The following SLC24A2 variants were observed in gnomAD, a reference collection of about 807,000 sequenced individuals.
The protein encoded by SLC24A2 is solute carrier family 24 member 2.
SLC24A2 carries 36 observed loss-of-function variants against 62.0 expected under a neutral mutation model. That is an observed-to-expected ratio of 0.58 (90% CI 0.44 to 0.77). SLC24A2 has a LOEUF of 0.77. SLC24A2 is among the 30% of genes least tolerant of loss of function. The pLI, the probability that SLC24A2 is intolerant of heterozygous loss-of-function variation, is 0.00. For synonymous variants in SLC24A2, 358 were observed against 294.0 expected (o/e 1.22, Z -2.23); for missense variants, 846 against 817.9 (o/e 1.03, Z -0.42).
chr9:19,833,200 A>G, the SLC24A2 span, among the ~76,000 whole-genome samples: 4 of 152,188 alleles, frequency 2.6e-5, no homozygotes. Flanking sequence ...TACCGGGTTC[A>G]TCTCACTGGG....
chr9:20,240,196 G>C, the SLC24A2 span, among the ~76,000 whole-genome samples: 1 of 152,098 alleles, frequency 6.6e-6, no homozygotes, highest in East Asian at 1.9e-4. Context: ...GAGCAGAGCA[G>C]CCACCCTACC....
the SLC24A2 span, among the ~76,000 whole-genome samples, chr9:20,293,935 G>A: frequency 4.6e-5 from 7 of 152,070 alleles, no homozygotes; most frequent in Admixed American, 4.6e-4. Context: ...GGATGCTATG[G>A]CAGACACCCT....
the SLC24A2 span, among the ~76,000 whole-genome samples, chr9:20,257,890 C>T: frequency 6.6e-6 from 1 of 152,150 alleles, no homozygotes; most frequent in Non-Finnish European, 1.5e-5. Flanking sequence ...TTTTCCATGA[C>T]ACTGGCATGG....
chr9:19,709,568 T>C (rs1157432102), intron 2 of SLC24A2, among the ~76,000 whole-genome samples: 2 of 151,784 alleles, frequency 1.3e-5, no homozygotes, highest in African/African-American at 4.8e-5. Flanking sequence ...TGGAATACTA[T>C]GCAGCCATAA....
chr9:20,086,211 C>T, the SLC24A2 span, among the ~76,000 whole-genome samples: 1 of 152,142 alleles, frequency 6.6e-6, no homozygotes, highest in African/African-American at 2.4e-5. Context: ...AGATTTGGTC[C>T]TTGATATTGC....
chr9:19,572,780 G>C (rs946308717), intron 7 of SLC24A2, among the ~76,000 whole-genome samples: 2 of 152,216 alleles, frequency 1.3e-5, no homozygotes, highest in Non-Finnish European at 2.9e-5. Context: ...ACAACTACTA[G>C]ACTGAAAAGT....
At chr9:20,185,790 T>C in the SLC24A2 span, among the ~76,000 whole-genome samples, 1 of 151,986 alleles carries the variant, frequency 6.6e-6, no homozygotes, top group African/African-American at 2.4e-5. Context: ...CACTCTAAAG[T>C]TTGTAGAGAC....
chr9:20,242,182 A>G, the SLC24A2 span, among the ~76,000 whole-genome samples: 6 of 152,138 alleles, frequency 3.9e-5, no homozygotes, highest in Non-Finnish European at 8.8e-5. Flanking sequence ...CTTGACTAAA[A>G]CACTCCTTTG....
intron 7 of SLC24A2, among the ~76,000 whole-genome samples, chr9:19,564,448 A>C (rs1005078205): frequency 3.9e-5 from 6 of 152,240 alleles, no homozygotes; most frequent in African/African-American, 1.4e-4. Flanking sequence ...ATGGCAAGGT[A>C]ATATTTGAAT....
the SLC24A2 span, among the ~76,000 whole-genome samples, chr9:19,818,595 C>T: frequency 5.9e-5 from 9 of 152,182 alleles, no homozygotes; most frequent in Non-Finnish European, 2.9e-5. Context: ...AACTCAACCC[C>T]TTTTATAGTA....
chr9:20,286,001 G>T, the SLC24A2 span, among the ~76,000 whole-genome samples: 1 of 152,200 alleles, frequency 6.6e-6, no homozygotes, highest in Non-Finnish European at 1.5e-5. Flanking sequence ...CACCCAGACT[G>T]TGGTATTTTG....
chr9:19,822,476 C>G, the SLC24A2 span, among the ~76,000 whole-genome samples: 1 of 152,142 alleles, frequency 6.6e-6, no homozygotes, highest in East Asian at 1.9e-4. Context: ...TTACTCTCCC[C>G]ACCGATGTCT....
chr9:19,624,969 C>T (rs1010465320), intron 2 of SLC24A2, among the ~76,000 whole-genome samples: 27 of 152,106 alleles, frequency 1.8e-4, no homozygotes, highest in African/African-American at 6.0e-4. Context: ...TTTAATTACA[C>T]GGGAAGTAAC....
chr9:19,601,701 T>C (rs74436874), intron 4 of SLC24A2, among the ~76,000 whole-genome samples: 29 of 152,122 alleles, frequency 1.9e-4, no homozygotes, highest in African/African-American at 6.8e-4. Context: ...TGATATAGCA[T>C]GAGGGTTGCA....
chr9:20,116,012 C>A, the SLC24A2 span, among the ~76,000 whole-genome samples: 3 of 152,156 alleles, frequency 2.0e-5, no homozygotes, highest in Admixed American at 2.0e-4. Context: ...AAACACAATT[C>A]TGCCATTGTC....
At chr9:19,653,960 T>C (rs899223835) in intron 2 of SLC24A2, among the ~76,000 whole-genome samples, 1 of 152,162 alleles carries the variant, frequency 6.6e-6, no homozygotes. Flanking sequence ...TACGAGTCAC[T>C]CATGTTTAGT....
At chr9:19,837,150 C>G in the SLC24A2 span, among the ~76,000 whole-genome samples, 17 of 152,182 alleles carry the variant, frequency 1.1e-4, no homozygotes, top group Admixed American at 5.9e-4. Flanking sequence ...TGGAAGCGTT[C>G]CCTTTGAAAA....
the SLC24A2 span, among the ~76,000 whole-genome samples, chr9:19,947,147 T>A: frequency 2.0e-5 from 3 of 152,276 alleles, no homozygotes; most frequent in South Asian, 6.2e-4. Flanking sequence ...TTACAATCAA[T>A]CAGCCAGACC....
At chr9:20,306,364 C>T in the SLC24A2 span, among the ~76,000 whole-genome samples, 6 of 152,262 alleles carry the variant, frequency 3.9e-5, no homozygotes, top group African/African-American at 9.6e-5. Context: ...AGGCCCAAAG[C>T]AAAGCAATTG....
Sources: allele counts gnomAD v4.1 joint callset (sites outside exome capture counted in the v4.1 genomes callset), GRCh38; gene constraint gnomAD v4.1.1; transcripts MANE v1.5; gene names NCBI Gene and HGNC (gene_info 2026-07-23, HGNC 2026-07-21).